Variants in ROBO1 observed in about 807,000 individuals in gnomAD.
The protein encoded by ROBO1 is roundabout guidance receptor 1, also known as roundabout homolog 1.
In ROBO1, 149 loss-of-function variants were observed where a neutral mutation model predicts 195.9. That is an observed-to-expected ratio of 0.76 (90% CI 0.67 to 0.87). The LOEUF (loss-of-function observed/expected upper bound fraction) is 0.87. Among genes scored for constraint, ROBO1 ranks in the 40% least tolerant of loss-of-function variants. ROBO1 has a pLI of 0.00. For synonymous variants in ROBO1, 816 were observed against 733.2 expected (o/e 1.11, Z -1.82); for missense variants, 1,933 against 2,068.3 (o/e 0.93, Z 1.27).
At chr3:79,380,760 C>T (rs543174964) in intron 2 of ROBO1, among the ~76,000 whole-genome samples, 1 of 152,180 alleles carries the variant, frequency 6.6e-6, no homozygotes, top group South Asian at 2.1e-4. Context: ...TAAATCTAGG[C>T]TGGCCTTGTG....
rs182477681 is a variant in ROBO1 at position 79,657,163 on chromosome 3, T to C, written c.-50-67202A>G. Among the ~76,000 whole-genome samples, 67 of 152,032 alleles carry C rather than the reference T, an allele frequency of 4.4e-4. 1 individual carries two copies. Among genetic ancestry groups the C allele is most frequent in the Non-Finnish European group, 3.4e-4 (23 of 68,012 alleles). On this transcript the variant is annotated intron_variant, in intron 1 of 30. Transcript: ENST00000464233. Reference sequence around the variant, plus strand: ...AAACTACCTTATAAACACATAGGAGTACCCAATGGGCATTAATATAAAATG... The same window carrying C: ...AAACTACCTTATAAACACATAGGAGCACCCAATGGGCATTAATATAAAATG...
intron 1 of ROBO1, among the ~76,000 whole-genome samples, chr3:79,683,244 T>C (rs184461179): frequency 4.5e-3 from 692 of 152,176 alleles, no homozygotes; most frequent in Non-Finnish European, 7.8e-3. Flanking sequence ...TTCAGTGTTT[T>C]TCCAGTCCCT....
intron 8 of ROBO1, among the ~76,000 whole-genome samples, chr3:78,695,237 G>T (rs2081261203): frequency 6.6e-6 from 1 of 152,070 alleles, no homozygotes. Context: ...CCTGCACGTT[G>T]TACACAAGTA....
chr3:79,759,965 G>A (rs1458811713), intron 1 of ROBO1, among the ~76,000 whole-genome samples: 1 of 151,998 alleles, frequency 6.6e-6, no homozygotes, highest in Non-Finnish European at 1.5e-5. Flanking sequence ...GGCGGGGAGT[G>A]GTGGCTCATG....
At chr3:79,712,430 G>A (rs970116551) in intron 1 of ROBO1, among the ~76,000 whole-genome samples, 3 of 152,130 alleles carry the variant, frequency 2.0e-5, no homozygotes, top group Admixed American at 1.3e-4. Context: ...CTAATCTAGA[G>A]CAAGGCTCTA....
At chr3:79,654,532 G>A (rs370445129) in intron 1 of ROBO1, among the ~76,000 whole-genome samples, 20 of 151,984 alleles carry the variant, frequency 1.3e-4, no homozygotes, top group South Asian at 8.3e-4. Flanking sequence ...AGTAGAAATC[G>A]CATTCCTTAT....
At chr3:78,864,911 T>G (rs923386380) in intron 4 of ROBO1, among the ~76,000 whole-genome samples, 1 of 152,194 alleles carries the variant, frequency 6.6e-6, no homozygotes, top group Non-Finnish European at 1.5e-5. Flanking sequence ...TGATTATAAA[T>G]GGTTTGAAAA....
In ROBO1 at chr3:79,196,373, C is replaced by T. The variant is rs114433574; in HGVS notation, c.89-70834G>A. ...TTAATCCATCACACACACATGCACACGCACCAAGAGAGAGAGGGAGGGAGA... is the reference window on the plus strand; with the variant it reads ...TTAATCCATCACACACACATGCACATGCACCAAGAGAGAGAGGGAGGGAGA... On this transcript the variant is annotated intron_variant, in intron 2 of 30. Coordinates refer to ENST00000464233, the MANE Select transcript of ROBO1 (RefSeq NM_002941.4). Among the ~76,000 whole-genome samples the T allele has an allele frequency of 3.9e-3, 566 of 145,386 alleles. 8 individuals carry two copies. The highest frequency in any genetic ancestry group is 7.0e-3 in the African/African-American group (274 of 39,128).
At chr3:79,535,595 G>A (rs543367587) in intron 2 of ROBO1, among the ~76,000 whole-genome samples, 1 of 152,250 alleles carries the variant, frequency 6.6e-6, no homozygotes, top group East Asian at 1.9e-4. Flanking sequence ...TATTTTGGCA[G>A]CAAAGTTATG....
At chr3:79,599,750 T>C (rs369782811) in intron 1 of ROBO1, among the ~76,000 whole-genome samples, 1 of 152,146 alleles carries the variant, frequency 6.6e-6, no homozygotes, top group East Asian at 1.9e-4. Flanking sequence ...TTCTTTCACT[T>C]TAATTACAGG....
intron 2 of ROBO1, among the ~76,000 whole-genome samples, chr3:79,524,835 A>G (rs369767260): frequency 6.6e-6 from 1 of 152,232 alleles, no homozygotes; most frequent in East Asian, 1.9e-4. Context: ...TGTTCCTCCA[A>G]TGACAACAAG....
intron 2 of ROBO1, among the ~76,000 whole-genome samples, chr3:79,320,748 T>C (rs1462577487): frequency 2.0e-5 from 3 of 152,222 alleles, no homozygotes; most frequent in Non-Finnish European, 4.4e-5. Flanking sequence ...CAAACCTACA[T>C]TAAATTATTA....
Position 79,628,228 on chromosome 3 carries a change from C to T in ROBO1, c.-50-38267G>A, listed in dbSNP as rs1190823088. ...TATTTACAATAGCAAAGACTTGGAACAAACCCAAATGCCCATCAATGATAG... is the reference window on the plus strand; with the variant it reads ...TATTTACAATAGCAAAGACTTGGAATAAACCCAAATGCCCATCAATGATAG... On this transcript the variant is annotated intron_variant, in intron 1 of 30. Coordinates refer to ENST00000464233, the MANE Select transcript of ROBO1 (RefSeq NM_002941.4). Among the ~76,000 whole-genome samples the T allele has an allele frequency of 2.0e-5, 3 of 152,216 alleles. No individual in the cohort carries two copies. In the South Asian group the frequency reaches 6.2e-4, roughly 32 times the overall value.
intron 4 of ROBO1, among the ~76,000 whole-genome samples, chr3:78,816,217 T>G (rs1258544458): frequency 6.6e-6 from 1 of 152,194 alleles, no homozygotes; most frequent in Admixed American, 6.5e-5. Context: ...ATAAAGCTAT[T>G]CTGTGTTCCA....
intron 26 of ROBO1, among the ~76,000 whole-genome samples, chr3:78,618,830 C>A (rs1333029454): frequency 6.6e-6 from 1 of 151,876 alleles, no homozygotes; most frequent in African/African-American, 2.4e-5. Context: ...AAACAGTTAC[C>A]AATTAATTGG....
intron 20 of ROBO1, 57 bp from the exon 21 acceptor site, chr3:78,646,247 G>T: frequency 1.4e-6 from 2 of 1,475,022 alleles, no homozygotes; most frequent in Non-Finnish European, 1.9e-6. Flanking sequence ...TATATCAAAA[G>T]CTATTACATT....
intron 5 of ROBO1, among the ~76,000 whole-genome samples, chr3:78,736,829 A>G (rs1487090030): frequency 6.6e-6 from 1 of 152,166 alleles, no homozygotes; most frequent in Non-Finnish European, 1.5e-5. Context: ...TCCAAACATG[A>G]TAAGTGTATG....
chr3:78,628,097 G>A (rs899897998), intron 25 of ROBO1, among the ~76,000 whole-genome samples: 2 of 152,022 alleles, frequency 1.3e-5, no homozygotes, highest in East Asian at 3.9e-4. Context: ...GGGATTACAG[G>A]TGCTCATCAC....
intron 3 of ROBO1, among the ~76,000 whole-genome samples, chr3:79,081,161 C>T (rs979487094): frequency 6.6e-6 from 1 of 151,884 alleles, no homozygotes; most frequent in Non-Finnish European, 1.5e-5. Context: ...TTAAATGACA[C>T]ATTTTTTTCC....
Sources: gnomAD v4.1 joint callset for allele counts (sites outside exome capture counted in the v4.1 genomes callset) on GRCh38, gnomAD v4.1.1 for gene constraint, MANE v1.5 for transcripts, NCBI Gene and HGNC (gene_info 2026-07-23, HGNC 2026-07-21) for gene names.